CAMSAP1: variants seen among roughly 807,000 people sequenced by gnomAD.
CAMSAP1 encodes calmodulin regulated spectrin associated protein 1, also known as calmodulin-regulated spectrin-associated protein 1.
A neutral mutation model predicts 143.5 loss-of-function variants in CAMSAP1; 58 were observed. That is an observed-to-expected ratio of 0.40 (90% CI 0.33 to 0.50). The LOEUF is 0.50. CAMSAP1 is among the 20% of genes least tolerant of loss of function. The pLI, the probability that CAMSAP1 is intolerant of heterozygous loss-of-function variation, is 0.45. For missense variants in CAMSAP1, 1,969 were observed against 2,115.7 expected (o/e 0.93, Z 1.36); for synonymous variants, 945 against 859.3 (o/e 1.10, Z -1.74).
intron 3 of CAMSAP1, among the ~76,000 whole-genome samples, chr9:135,879,292 T>C (rs1236204011): frequency 6.6e-6 from 1 of 152,134 alleles, no homozygotes; most frequent in Non-Finnish European, 1.5e-5. Flanking sequence ...CTTCTATTTA[T>C]CTGCCAAGTC....
At chr9:135,866,563 G>T in intron 3 of CAMSAP1, 27 bp from the exon 4 acceptor site, 1 of 1,064,924 alleles carries the variant, frequency 9.4e-7, no homozygotes. Flanking sequence ...ATGCATTAAA[G>T]AGGTAATTGC....
Position 135,822,778 on chromosome 9 carries a change from G to C in CAMSAP1, c.1883C>G (p.Pro628Arg). The C allele has an allele frequency of 1.2e-6, 2 of 1,613,688 alleles. No individual in the cohort carries two copies. Among genetic ancestry groups the C allele is most frequent in the Non-Finnish European group, 1.7e-6 (2 of 1,179,826 alleles). The change falls in exon 11 of 17, where the codon CCC becomes CGC. Residue 628 changes from proline (P) to arginine (R), a missense_variant. Around this residue, in one of 4 missense-constraint regions of CAMSAP1, gnomAD observed 1,390 missense variants for 1,420.8 expected, o/e 0.98. Transcript: ENST00000389532. The surrounding 1 kb of genome is among the most constrained non-coding windows in gnomAD (Gnocchi z 6.1). Reference sequence around the variant, plus strand: ...TACCAAAGGCTGGGGGCCCTCGCTGGGCCTCCTAGACACGATGCTCCTCGG... The same window carrying C: ...TACCAAAGGCTGGGGGCCCTCGCTGCGCCTCCTAGACACGATGCTCCTCGG... The part of the protein sequence containing the change: ...GRPRSIVSRR[P>R]SEGPQPLVRR...
chr9:135,818,250 C>T lies in CAMSAP1; in HGVS notation c.4168+158G>A, dbSNP rs1055956411. ...CCTGGATGTGCCGCACATCTCAGAG[C>T]ATCTGGTCTCAACATTGTCATCCAT... On this transcript the variant is annotated intron_variant, in intron 13 of 16. Transcript: ENST00000389532. The surrounding 1 kb of genome is among the most constrained non-coding windows in gnomAD (Gnocchi z 7.7). 6 of 1,092,752 alleles carry T rather than the reference C, an allele frequency of 5.5e-6. No individual in the cohort carries two copies. The highest frequency in any genetic ancestry group is 2.3e-5 in the Admixed American group (1 of 42,562). 67.7% of individuals were successfully genotyped at this position (1,092,752 alleles called of 1,614,324 possible).
intron 7 of CAMSAP1, among the ~76,000 whole-genome samples, chr9:135,847,994 G>A (rs749952347): frequency 7.0e-4 from 101 of 144,378 alleles, no homozygotes; most frequent in Non-Finnish European, 1.3e-3. Flanking sequence ...GAAAGGACAG[G>A]GCAGTGGAGA....
intron 3 of CAMSAP1, among the ~76,000 whole-genome samples, chr9:135,871,862 GGAGGCC>G (rs1837580795): frequency 1.3e-5 from 2 of 152,178 alleles, no homozygotes; most frequent in South Asian, 4.1e-4. Context: ...CAGCACTTTA[GGAGGCC>G]GAGGTGGGCA....
intron 1 of CAMSAP1, among the ~76,000 whole-genome samples, chr9:135,887,906 A>G (rs375152696): frequency 6.6e-6 from 1 of 152,212 alleles, no homozygotes; most frequent in Non-Finnish European, 1.5e-5. Flanking sequence ...ACGCATTCGC[A>G]GTGGCTGCTG....
intron 3 of CAMSAP1, among the ~76,000 whole-genome samples, chr9:135,868,300 A>G (rs1292620698): frequency 6.6e-6 from 1 of 152,188 alleles, no homozygotes; most frequent in Admixed American, 6.5e-5. Flanking sequence ...GCAGGCACAA[A>G]GCACCTCTCC....
intron 1 of CAMSAP1, among the ~76,000 whole-genome samples, chr9:135,893,250 A>G (rs28805271): frequency 0.016 from 2,417 of 151,094 alleles, 64 homozygotes; most frequent in African/African-American, 0.055. Flanking sequence ...GAGAGACGAG[A>G]AGGAGAGAGA....
chr9:135,905,078 A>G lies in CAMSAP1; in HGVS notation c.160+1922T>C, dbSNP rs56929107. Among the ~76,000 whole-genome samples the G allele has an allele frequency of 1.3e-3, 199 of 152,236 alleles. 2 individuals carry two copies. In the East Asian group the frequency reaches 0.019, roughly 14 times the overall value. On this transcript the variant is annotated intron_variant, in intron 1 of 16. Coordinates refer to ENST00000389532, the MANE Select transcript of CAMSAP1 (RefSeq NM_015447.4). ...AGTCTCAGCTCCTAAGATGGTGTCC[A>G]GTCTTCTCCAGCTCCTGTTCATGTT...
rs1192744829 is a variant in CAMSAP1 at position 135,820,078 on chromosome 9, T to G, written c.3822+761A>C. Among the ~76,000 whole-genome samples the G allele has an allele frequency of 6.6e-6, 1 of 152,206 alleles. No homozygotes were observed. The highest frequency in any genetic ancestry group is 2.4e-5 in the African/African-American group (1 of 41,444). ...AGGTGACTCTGCTGCTGTGTGAGCA[T>G]GACGGAGTGTGCGCACACCTGGATG... On this transcript the variant is annotated intron_variant, in intron 11 of 16. Coordinates refer to ENST00000389532, the MANE Select transcript of CAMSAP1 (RefSeq NM_015447.4). This position sits in a 1 kb window ranked among gnomAD's most constrained non-coding sequence, Gnocchi z 4.4.
intron 4 of CAMSAP1, chr9:135,865,229 A>C: frequency 8.6e-7 from 1 of 1,156,600 alleles, no homozygotes; most frequent in Middle Eastern, 1.9e-4. Context: ...TTAAACAACA[A>C]CAACAAAAAA....
In CAMSAP1 at chr9:135,811,462, G is replaced by A. The variant is rs752139135; in HGVS notation, c.4656C>T (p.Ile1552=). The part of the protein sequence containing the change: ...TGPKNITKKM[I]DKLYKYSSDR... ...CTGAGCTGTATTTATACAGTTTGTCGATCATTTTCTTGGTGATGTTCTTTG... is the reference window on the plus strand; with the variant it reads ...CTGAGCTGTATTTATACAGTTTGTCAATCATTTTCTTGGTGATGTTCTTTG... Residue 1552 remains isoleucine, a synonymous_variant, in exon 17 of 17, where the codon ATC becomes ATT. Coordinates refer to ENST00000389532, the MANE Select transcript of CAMSAP1 (RefSeq NM_015447.4). This position sits in a 1 kb window ranked among gnomAD's most constrained non-coding sequence, Gnocchi z 4.9. 18 of 1,612,006 alleles carry A rather than the reference G, an allele frequency of 1.1e-5. No homozygotes were observed. The highest frequency in any genetic ancestry group is 4.4e-5 in the South Asian group (4 of 90,642).
At position 135,819,026 on chromosome 9, in the gene CAMSAP1, T is replaced by C; in HGVS notation, c.3943A>G (p.Lys1315Glu). 1.2e-6 allele frequency: 2 copies of C among 1,606,944 alleles called. No homozygotes were observed. The highest frequency in any genetic ancestry group is 2.2e-5 in the South Asian group (2 of 90,310). ...KQQLEAEVEL[K>E]RDEARRKAEE... ...GACGCTTACCGGGCTTCGTCACGCT[T>C]GAGCTCCACCTCCGCTTCCAGCTGC... The change falls in exon 12 of 17, where the codon AAG becomes GAG. Residue 1315 changes from lysine (K) to glutamate (E), a missense_variant. By Grantham distance (56) the Lys-to-Glu change is moderately conservative. Coordinates refer to ENST00000389532, the MANE Select transcript of CAMSAP1 (RefSeq NM_015447.4).
chr9:135,823,705 AC>A (rs1212079374), intron 10 of CAMSAP1, among the ~76,000 whole-genome samples: 1 of 152,140 alleles, frequency 6.6e-6, no homozygotes, highest in Non-Finnish European at 1.5e-5. Context: ...GGACCCTCAT[AC>A]CTGACTCCAC....
chr9:135,856,563 G>T (rs1478756915), intron 5 of CAMSAP1, among the ~76,000 whole-genome samples: 1 of 152,140 alleles, frequency 6.6e-6, no homozygotes, highest in Non-Finnish European at 1.5e-5. Context: ...CCTACCCTAT[G>T]ACTAAGAGGC....
At position 135,821,978 on chromosome 9, in the gene CAMSAP1, G is replaced by A; in HGVS notation, c.2683C>T (p.Gln895Ter). The part of the protein sequence containing the change: ...LEEKRRAIEA[Q>*]KKKMEALSAR... Reference sequence around the variant, plus strand: ...GACAGCGCCTCCATCTTCTTCTTCTGGGCCTCGATGGCCCTGCGCTTCTCC... The same window carrying A: ...GACAGCGCCTCCATCTTCTTCTTCTAGGCCTCGATGGCCCTGCGCTTCTCC... The change falls in exon 11 of 17, where the codon CAG (glutamine) becomes TAG (stop). Residue 895 changes from glutamine to a stop codon, truncating the protein, a stop_gained. Transcript: ENST00000389532. LOFTEE classifies it high-confidence loss of function. This position sits in a 1 kb window ranked among gnomAD's most constrained non-coding sequence, Gnocchi z 4.6. The A allele has an allele frequency of 6.2e-7, 1 of 1,612,692 alleles. No homozygotes were observed.
intron 14 of CAMSAP1, among the ~76,000 whole-genome samples, chr9:135,817,522 G>T (rs1363736814): frequency 6.6e-6 from 1 of 152,010 alleles, no homozygotes. Context: ...CTCCCAAGTA[G>T]CTGGGACTAT....
At chr9:135,819,607 G>C (rs1414129448) in intron 11 of CAMSAP1, among the ~76,000 whole-genome samples, 1 of 150,468 alleles carries the variant, frequency 6.6e-6, no homozygotes, top group Non-Finnish European at 1.5e-5. Context: ...GCCAAGGAGA[G>C]TGGATCACCT....
chr9:135,832,788 T>C (rs772783048), intron 7 of CAMSAP1, among the ~76,000 whole-genome samples: 3 of 152,118 alleles, frequency 2.0e-5, no homozygotes, highest in Non-Finnish European at 4.4e-5. Flanking sequence ...CAATTTATAA[T>C]AGCATCAAAA....
Sources: gnomAD v4.1 joint callset for allele counts (sites outside exome capture counted in the v4.1 genomes callset) on GRCh38, gnomAD v4.1.1 for gene constraint, gnomAD v4.1.1 regional missense constraint, Gnocchi (gnomAD v3.1) non-coding constraint, MANE v1.5 for transcripts, NCBI Gene and HGNC (gene_info 2026-07-23, HGNC 2026-07-21) for gene names.